Variants in CSMD1 observed in about 807,000 individuals in gnomAD.
CSMD1 encodes CUB and sushi domain-containing protein 1.
CSMD1 carries 213 observed loss-of-function variants against 417.5 expected under a neutral mutation model. The ratio of observed to expected loss-of-function variants is 0.51; its 90% CI spans 0.46 to 0.57. The LOEUF (loss-of-function observed/expected upper bound fraction) is 0.57, where lower values mean the gene tolerates loss of function less well. Among genes scored for constraint, CSMD1 ranks in the 20% least tolerant of loss-of-function variants. The pLI is 0.00. For missense variants in CSMD1, 6,923 were observed against 4,529.7 expected, an observed-to-expected ratio of 1.53 and a Z score of -15.17; for synonymous variants, 2,862 against 1,736.8, an observed-to-expected ratio of 1.65 and a Z score of -16.11.
At chr8:3,800,289 T>C (rs1402059367) in intron 5 of CSMD1, among the ~76,000 whole-genome samples, 1 of 152,188 alleles carries the variant, frequency 6.6e-6, no homozygotes, top group African/African-American at 2.4e-5. Flanking sequence ...TTTAATGCCA[T>C]GAGAAGTTAT....
intron 2 of CSMD1, among the ~76,000 whole-genome samples, chr8:4,526,144 G>A (rs1024735059): frequency 2.0e-5 from 3 of 152,172 alleles, no homozygotes; most frequent in South Asian, 2.1e-4. Flanking sequence ...AAGGGAGAAA[G>A]TGTTGTTAAG....
chr8:3,605,418 A>G (rs1202992688), intron 8 of CSMD1, among the ~76,000 whole-genome samples: 1 of 152,212 alleles, frequency 6.6e-6, no homozygotes, highest in Non-Finnish European at 1.5e-5. Flanking sequence ...TTGACCTACA[A>G]TGGAGAAATA....
chr8:4,864,056 G>C (rs559324757), intron 1 of CSMD1, among the ~76,000 whole-genome samples: 6 of 151,920 alleles, frequency 3.9e-5, no homozygotes, highest in Admixed American at 2.0e-4. Flanking sequence ...ACCACTTTTT[G>C]CCATGTTACA....
chr8:4,193,374 C>T (rs1427285292), intron 3 of CSMD1, among the ~76,000 whole-genome samples: 12 of 152,310 alleles, frequency 7.9e-5, no homozygotes, highest in African/African-American at 2.4e-4. Flanking sequence ...TTTAAATGTA[C>T]TGAGTATCAA....
intron 2 of CSMD1, among the ~76,000 whole-genome samples, chr8:4,520,932 A>G (rs1803411896): frequency 1.3e-5 from 2 of 152,204 alleles, no homozygotes; most frequent in Admixed American, 1.3e-4. Flanking sequence ...TATTAAAATT[A>G]GTCATATCAG....
intron 26 of CSMD1, among the ~76,000 whole-genome samples, chr8:3,249,116 G>A (rs147229247): frequency 6.6e-5 from 10 of 152,226 alleles, no homozygotes; most frequent in African/African-American, 1.9e-4. Flanking sequence ...CACTTAGCCC[G>A]AGAATTGGCC....
At chr8:3,604,753 T>G (rs183272275) in intron 8 of CSMD1, among the ~76,000 whole-genome samples, 14 of 152,264 alleles carry the variant, frequency 9.2e-5, no homozygotes, top group African/African-American at 3.1e-4. Flanking sequence ...CTTGGACACA[T>G]GGGCATAACC....
intron 7 of CSMD1, among the ~76,000 whole-genome samples, chr8:3,666,628 G>A (rs1048185128): frequency 6.6e-6 from 1 of 152,110 alleles, no homozygotes; most frequent in Non-Finnish European, 1.5e-5. Context: ...GGACCCAGAG[G>A]GAGATAATTG....
chr8:4,734,888 C>G (rs1810128689), intron 1 of CSMD1, among the ~76,000 whole-genome samples: 1 of 152,196 alleles, frequency 6.6e-6, no homozygotes, highest in Non-Finnish European at 1.5e-5. Context: ...CAGCCAGCAG[C>G]AGGCTGGCCA....
intron 3 of CSMD1, among the ~76,000 whole-genome samples, chr8:4,315,382 C>T (rs948467229): frequency 1.3e-5 from 2 of 152,144 alleles, no homozygotes; most frequent in South Asian, 2.1e-4. Flanking sequence ...GCCTCATTCA[C>T]TAATATGTCC....
chr8:4,170,677 G>A (rs956401133), intron 3 of CSMD1, among the ~76,000 whole-genome samples: 4 of 151,526 alleles, frequency 2.6e-5, no homozygotes, highest in Admixed American at 2.0e-4. Flanking sequence ...AGTTGGAGGA[G>A]CTAGAACTCT....
intron 5 of CSMD1, among the ~76,000 whole-genome samples, chr8:3,954,521 C>G (rs563904660): frequency 6.6e-6 from 1 of 152,102 alleles, no homozygotes; most frequent in South Asian, 2.1e-4. Flanking sequence ...CACCCACCAC[C>G]ACTCCCAGAT....
At chr8:4,480,890 G>A (rs546984802) in intron 2 of CSMD1, among the ~76,000 whole-genome samples, 1 of 152,262 alleles carries the variant, frequency 6.6e-6, no homozygotes, top group South Asian at 2.1e-4. Context: ...CTAGATTCCT[G>A]GGGTACATCC....
At chr8:4,887,667 T>G (rs1312926199) in intron 1 of CSMD1, among the ~76,000 whole-genome samples, 1 of 152,040 alleles carries the variant, frequency 6.6e-6, no homozygotes, top group Admixed American at 6.5e-5. Context: ...GCTTTATTTA[T>G]ATTTGCTTTA....
At chr8:3,110,384 G>GGA in intron 42 of CSMD1, 49 bp from the exon 43 acceptor site, 1 of 1,477,370 alleles carries the variant, frequency 6.8e-7, no homozygotes, top group Non-Finnish European at 9.0e-7. Flanking sequence ...TGATTTTAGA[G>GGA]AGTAGAAAGC....
At chr8:3,307,927 A>C in intron 24 of CSMD1, 106 bp from the exon 25 acceptor site, 1 of 1,233,702 alleles carries the variant, frequency 8.1e-7, no homozygotes, top group Non-Finnish European at 1.1e-6. Context: ...ATATACATAG[A>C]GAAAAAGAAT....
chr8:3,967,240 G>C (rs6980578), intron 5 of CSMD1, among the ~76,000 whole-genome samples: 1 of 151,822 alleles, frequency 6.6e-6, no homozygotes, highest in African/African-American at 2.4e-5. Context: ...TTCCTATTCT[G>C]ATCTAATTCT....
chr8:3,500,224 G>A (rs565865647), intron 10 of CSMD1, among the ~76,000 whole-genome samples: 2 of 152,258 alleles, frequency 1.3e-5, no homozygotes, highest in Admixed American at 6.5e-5. Context: ...CCTAGACACT[G>A]CACTTGACAT....
chr8:4,897,484 G>T (rs1047655843), intron 1 of CSMD1, among the ~76,000 whole-genome samples: 9 of 152,016 alleles, frequency 5.9e-5, no homozygotes, highest in African/African-American at 7.3e-5. Context: ...GGTTTGGGTT[G>T]CTGTAGACCC....
Sources: gnomAD v4.1 joint callset for allele counts (sites outside exome capture counted in the v4.1 genomes callset) on GRCh38, gnomAD v4.1.1 for gene constraint, MANE v1.5 for transcripts, NCBI Gene and HGNC (gene_info 2026-07-23, HGNC 2026-07-21) for gene names.